PTPN14: variants seen among roughly 807,000 people sequenced by gnomAD.
PTPN14 encodes the protein tyrosine-protein phosphatase non-receptor type 14.
PTPN14 carries 53 observed loss-of-function variants against 126.8 expected under a neutral mutation model. The ratio of observed to expected loss-of-function variants is 0.42; its 90% CI spans 0.34 to 0.53. PTPN14 has a LOEUF of 0.53. Ranked by LOEUF, PTPN14 falls within the 20% of genes least tolerant of loss-of-function variation. The pLI, the probability that PTPN14 is intolerant of heterozygous loss-of-function variation, is 0.08. For missense variants in PTPN14, 1,257 were observed against 1,552.9 expected (o/e 0.81, Z 3.20); for synonymous variants, 630 against 599.3 (o/e 1.05, Z -0.75).
At chr1:214,461,404 G>A (rs901224814) in intron 2 of PTPN14, among the ~76,000 whole-genome samples, 30 of 150,760 alleles carry the variant, frequency 2.0e-4, no homozygotes, top group African/African-American at 5.9e-4. Context: ...AGGCTGAGGC[G>A]GGAGGATCAC....
intron 1 of PTPN14, among the ~76,000 whole-genome samples, chr1:214,482,206 CTTTT>C (rs61017156): frequency 5.6e-5 from 8 of 143,384 alleles, no homozygotes; most frequent in Non-Finnish European, 9.2e-5. Flanking sequence ...CCAGTAACAA[CTTTT>C]TTTTTTTTTA....
At position 214,369,513 on chromosome 1, in the gene PTPN14, A is replaced by G; in HGVS notation, c.3215T>C (p.Leu1072Ser). ...LSGQERTVWH[L>S]QYTDWPDHGC... ...GTGATCTGGCCAGTCAGTATATTGT[A>G]AATGCCACACCGTCCTTTCTTGCCC... Residue 1072 changes from leucine (L) to serine (S), a missense_variant, in exon 17 of 19, where the codon TTA (leucine) becomes TCA (serine). Coordinates refer to ENST00000366956, the MANE Select transcript of PTPN14 (RefSeq NM_005401.5). 1 of 1,614,188 alleles carries G rather than the reference A, an allele frequency of 6.2e-7. No homozygotes were observed. Among genetic ancestry groups the G allele is most frequent in the Non-Finnish European group, 8.5e-7 (1 of 1,180,030 alleles).
chr1:214,371,128 C>T (rs1351365051), intron 16 of PTPN14, among the ~76,000 whole-genome samples: 2 of 152,182 alleles, frequency 1.3e-5, no homozygotes, highest in African/African-American at 4.8e-5. Flanking sequence ...CTAGATGCTA[C>T]TTTGTCTTGG....
chr1:214,427,262 G>A (rs1376602360), intron 3 of PTPN14, among the ~76,000 whole-genome samples: 1 of 116,020 alleles, frequency 8.6e-6, no homozygotes, highest in Non-Finnish European at 1.6e-5. Flanking sequence ...TGGCGACAGA[G>A]TGAGTCTCCA....
At chr1:214,462,132 T>G (rs1660526740) in intron 2 of PTPN14, among the ~76,000 whole-genome samples, 1 of 152,114 alleles carries the variant, frequency 6.6e-6, no homozygotes, top group African/African-American at 2.4e-5. Flanking sequence ...AAAAAGAAAG[T>G]GATTTGGTCG....
At chr1:214,439,989 A>T (rs907392150) in intron 3 of PTPN14, among the ~76,000 whole-genome samples, 1 of 152,162 alleles carries the variant, frequency 6.6e-6, no homozygotes, top group African/African-American at 2.4e-5. Flanking sequence ...GACAAAACTC[A>T]TCCCTTCCAA....
chr1:214,409,922 CAT>C (rs1571982210), intron 5 of PTPN14, among the ~76,000 whole-genome samples: 1 of 149,650 alleles, frequency 6.7e-6, no homozygotes, highest in East Asian at 1.9e-4. Context: ...GGGCATTTTT[CAT>C]ATGTCTGTTG....
At position 214,483,709 on chromosome 1, in the gene PTPN14, C is replaced by T. The variant is rs574350984; in HGVS notation, c.-154-18752G>A. Among the ~76,000 whole-genome samples the T allele has an allele frequency of 1.8e-3, 280 of 152,204 alleles. 1 individual carries two copies. Among genetic ancestry groups the T allele is most frequent in the African/African-American group, 6.2e-3 (257 of 41,528 alleles). ...ATGACACTCACTCCCTCATATACTC[C>T]GATATAAATAATCCTACCTTTCTTA... On this transcript the variant is annotated intron_variant, in intron 1 of 18. Transcript: ENST00000366956.
In PTPN14 at chr1:214,487,157, C is replaced by T. The variant is rs1661132282; in HGVS notation, c.-154-22200G>A. The stretch of plus-strand genomic sequence containing the variant: ...AGTAAAATATGCCTATTTTTCAAAG[C>T]ACAATCCTAAAGTCACTAATTCATG... On this transcript the variant is annotated intron_variant, in intron 1 of 18. Coordinates refer to ENST00000366956, the MANE Select transcript of PTPN14 (RefSeq NM_005401.5). Among the ~76,000 whole-genome samples the T allele has an allele frequency of 2.0e-5, 3 of 151,934 alleles. No individual in the cohort carries two copies. The South Asian group carries it at 6.2e-4, about 32-fold the overall frequency.
chr1:214,418,784 T>C (rs1039079342), intron 3 of PTPN14, among the ~76,000 whole-genome samples: 15 of 152,216 alleles, frequency 9.9e-5, no homozygotes, highest in Non-Finnish European at 2.1e-4. Context: ...CAGATCTGTT[T>C]TTTCTCCTGG....
At chr1:214,507,900 G>C (rs945589832) in intron 1 of PTPN14, among the ~76,000 whole-genome samples, 15 of 152,058 alleles carry the variant, frequency 9.9e-5, no homozygotes, top group African/African-American at 3.6e-4. Context: ...AGGATCCATT[G>C]AGCCCAGAAG....
intron 5 of PTPN14, among the ~76,000 whole-genome samples, chr1:214,405,429 T>A (rs1003302095): frequency 6.6e-6 from 1 of 152,174 alleles, no homozygotes; most frequent in Admixed American, 6.5e-5. Flanking sequence ...ATAGGGCTTT[T>A]GTGCAATGAC....
At chr1:214,485,194 C>T (rs1661084546) in intron 1 of PTPN14, among the ~76,000 whole-genome samples, 1 of 152,170 alleles carries the variant, frequency 6.6e-6, no homozygotes, top group Non-Finnish European at 1.5e-5. Flanking sequence ...CCCACCACCA[C>T]CACCATCCTA....
chr1:214,413,710 C>T (rs1168292964), intron 4 of PTPN14, among the ~76,000 whole-genome samples: 1 of 152,070 alleles, frequency 6.6e-6, no homozygotes, highest in Non-Finnish European at 1.5e-5. Context: ...GCTTTGTCAC[C>T]CAGGCTGGAG....
chr1:214,397,458 T>G (rs1658906601), intron 8 of PTPN14, among the ~76,000 whole-genome samples: 2 of 152,192 alleles, frequency 1.3e-5, no homozygotes, highest in Admixed American at 1.3e-4. Context: ...AGGACTGAAG[T>G]GTCAAAATAA....
At chr1:214,396,920 T>C (rs1321962222) in intron 8 of PTPN14, among the ~76,000 whole-genome samples, 6 of 152,236 alleles carry the variant, frequency 3.9e-5, no homozygotes, top group East Asian at 1.9e-4. Flanking sequence ...AATTAATTTA[T>C]ACTTTGTGGC....
intron 1 of PTPN14, among the ~76,000 whole-genome samples, chr1:214,518,000 C>A (rs1194668627): frequency 6.6e-6 from 1 of 151,928 alleles, no homozygotes; most frequent in Non-Finnish European, 1.5e-5. Context: ...AAAGAAGGTA[C>A]TTAAAATATA....
intron 4 of PTPN14, 84 bp downstream of exon 4, chr1:214,414,545 T>A: frequency 2.4e-6 from 3 of 1,239,676 alleles, no homozygotes; most frequent in Non-Finnish European, 3.5e-6. Context: ...TTTAAGTAAA[T>A]CTAACTTCTC....
chr1:214,397,700 A>G (rs1334821805), intron 8 of PTPN14, among the ~76,000 whole-genome samples: 3 of 152,130 alleles, frequency 2.0e-5, no homozygotes, highest in African/African-American at 4.8e-5. Context: ...GAGTTCAACA[A>G]TGTAGTTCCT....
Sources: gnomAD v4.1 joint callset for allele counts (sites outside exome capture counted in the v4.1 genomes callset) on GRCh38, gnomAD v4.1.1 for gene constraint, MANE v1.5 for transcripts, NCBI Gene and HGNC (gene_info 2026-07-23, HGNC 2026-07-21) for gene names.